Variants in PRDM10 observed in about 807,000 individuals in gnomAD.
The protein encoded by PRDM10 is PR domain zinc finger protein 10.
PRDM10 carries 65 observed loss-of-function variants against 133.1 expected under a neutral mutation model. That is an observed-to-expected ratio of 0.49 (90% CI 0.40 to 0.60). The LOEUF is 0.60. Among genes scored for constraint, PRDM10 ranks in the 20% least tolerant of loss-of-function variants. PRDM10 has a pLI of 0.00. For synonymous variants in PRDM10, 582 were observed against 580.4 expected (o/e 1.00, Z -0.04); for missense variants, 1,137 against 1,507.1 (o/e 0.75, Z 4.07).
intron 4 of PRDM10, among the ~76,000 whole-genome samples, chr11:129,952,807 G>A (rs1402235878): frequency 6.6e-6 from 1 of 151,510 alleles, no homozygotes; most frequent in Non-Finnish European, 1.5e-5. Context: ...GATGTGATTC[G>A]CCGTGCCTGG....
chr11:129,987,686 G>A (rs1168473660), intron 1 of PRDM10, among the ~76,000 whole-genome samples: 2 of 152,196 alleles, frequency 1.3e-5, no homozygotes, highest in African/African-American at 4.8e-5. Context: ...TCCATATAAT[G>A]GAATATTATT....
chr11:129,988,676 C>T (rs1438708082), intron 1 of PRDM10, among the ~76,000 whole-genome samples: 2 of 151,758 alleles, frequency 1.3e-5, no homozygotes, highest in Non-Finnish European at 2.9e-5. Context: ...GTTGCCTGGG[C>T]TGGAGTGCAG....
intron 1 of PRDM10, among the ~76,000 whole-genome samples, chr11:129,966,150 G>A (rs1162556844): frequency 2.6e-5 from 4 of 152,042 alleles, no homozygotes; most frequent in African/African-American, 4.8e-5. Context: ...AGGCTGAGGC[G>A]GGAGAATCGC....
chr11:129,981,850 C>T (rs541626182), intron 1 of PRDM10, among the ~76,000 whole-genome samples: 46 of 150,370 alleles, frequency 3.1e-4, no homozygotes, highest in African/African-American at 9.5e-4. Context: ...GAGCCGAGAT[C>T]GCATTACTGC....
intron 6 of PRDM10, among the ~76,000 whole-genome samples, chr11:129,943,582 AG>A (rs1337867625): frequency 6.6e-6 from 1 of 152,222 alleles, no homozygotes; most frequent in Non-Finnish European, 1.5e-5. Flanking sequence ...AAGATGGGCC[AG>A]GAGAGGTGGC....
intron 15 of PRDM10, among the ~76,000 whole-genome samples, 187 bp downstream of exon 15, chr11:129,916,940 G>A (rs1950376401): frequency 6.6e-6 from 1 of 152,050 alleles, no homozygotes; most frequent in African/African-American, 2.4e-5. Flanking sequence ...TATTTCTTAA[G>A]AAAAAAATTT....
At chr11:129,948,359 CAT>C (rs1003058189) in intron 4 of PRDM10, among the ~76,000 whole-genome samples, 1 of 152,158 alleles carries the variant, frequency 6.6e-6, no homozygotes, top group Non-Finnish European at 1.5e-5. Flanking sequence ...TTTATCTTCT[CAT>C]ATGTTGTTTT....
At chr11:129,956,489 G>A (rs1209162333) in intron 3 of PRDM10, among the ~76,000 whole-genome samples, 3 of 152,122 alleles carry the variant, frequency 2.0e-5, no homozygotes, top group African/African-American at 4.8e-5. Context: ...ACTTGAACCC[G>A]GGAGGTAGAG....
At chr11:129,932,068 C>A in intron 10 of PRDM10, 34 bp downstream of exon 10, 1 of 1,599,874 alleles carries the variant, frequency 6.3e-7, no homozygotes, top group Non-Finnish European at 8.5e-7. Context: ...TCCACACAAG[C>A]ACCTAAGGAG....
intron 8 of PRDM10, 51 bp downstream of exon 8, chr11:129,937,547 T>G (rs1379360181): frequency 1.3e-6 from 2 of 1,530,920 alleles, no homozygotes; most frequent in Non-Finnish European, 1.8e-6. Context: ...AGATGTGATA[T>G]ATACAATTTA....
rs1951467229 is a variant in PRDM10 at position 129,947,777 on chromosome 11, T to A, written c.295-407A>T. On this transcript the variant is annotated intron_variant, in intron 4 of 20. Coordinates refer to ENST00000360871, the MANE Select transcript of PRDM10 (RefSeq NM_199437.2). This position sits in a 1 kb window ranked among gnomAD's most constrained non-coding sequence, Gnocchi z 4.6. ...GCCGTTTCACACTGCTTGAGAGGCCTGCCCTGTCTCCCAAGACTTCAAATA... is the reference window on the plus strand; with the variant it reads ...GCCGTTTCACACTGCTTGAGAGGCCAGCCCTGTCTCCCAAGACTTCAAATA... Among the ~76,000 whole-genome samples, 1 of 152,142 alleles carries A rather than the reference T, an allele frequency of 6.6e-6. No homozygotes were observed. The highest frequency in any genetic ancestry group is 2.4e-5 in the African/African-American group (1 of 41,410).
chr11:129,945,115 C>A lies in PRDM10; in HGVS notation c.521-103G>T. 1 of 1,452,998 alleles carries A rather than the reference C, an allele frequency of 6.9e-7. No homozygotes were observed. 90.0% of individuals were successfully genotyped at this position (1,452,998 alleles called of 1,614,324 possible). ...AAAAATCCCCGTCTGCATTTTCAAGCCAAAATTCAATGAACTCCTAATGGC... is the reference window on the plus strand; with the variant it reads ...AAAAATCCCCGTCTGCATTTTCAAGACAAAATTCAATGAACTCCTAATGGC... On this transcript the variant is annotated intron_variant, in intron 5 of 20. Transcript: ENST00000360871. This position sits in a 1 kb window ranked among gnomAD's most constrained non-coding sequence, Gnocchi z 4.2.
chr11:129,909,135 A>G (rs535720544), intron 19 of PRDM10, among the ~76,000 whole-genome samples: 7 of 152,078 alleles, frequency 4.6e-5, no homozygotes, highest in African/African-American at 1.4e-4. Flanking sequence ...CCAGCCCTCA[A>G]TGTGACGTCC....
In PRDM10 at chr11:129,947,426, G is replaced by A. The variant is rs747335966; in HGVS notation, c.295-56C>T. 1.2e-5 allele frequency: 20 copies of A among 1,603,750 alleles called. No homozygotes were observed. The highest frequency in any genetic ancestry group is 5.4e-5 in the African/African-American group (4 of 74,722). ...AGACATGGACACCTGCTTTTGGTTC[G>A]CTGGTGCCTGCTGGCACAAACAGGG... On this transcript the variant is annotated intron_variant, in intron 4 of 20. Transcript: ENST00000360871. The surrounding 1 kb of genome is among the most constrained non-coding windows in gnomAD (Gnocchi z 4.6).
chr11:129,970,103 C>G (rs1951986103), intron 1 of PRDM10, among the ~76,000 whole-genome samples: 1 of 152,168 alleles, frequency 6.6e-6, no homozygotes, highest in Non-Finnish European at 1.5e-5. Flanking sequence ...GTTCAGATGA[C>G]AAGGACCCTG....
intron 11 of PRDM10, 147 bp from the exon 12 acceptor site, chr11:129,925,376 ATTT>A: frequency 2.7e-6 from 2 of 752,024 alleles, no homozygotes; most frequent in Non-Finnish European, 4.1e-6. Flanking sequence ...TTGAAAGGAG[ATTT>A]TTCTGGTGAA....
At position 129,945,046 on chromosome 11, in the gene PRDM10, A is replaced by G. The variant is rs767148056; in HGVS notation, c.521-34T>C. On this transcript the variant is annotated intron_variant, in intron 5 of 20. Coordinates refer to ENST00000360871, the MANE Select transcript of PRDM10 (RefSeq NM_199437.2). The surrounding 1 kb of genome is among the most constrained non-coding windows in gnomAD (Gnocchi z 4.2). ...GAGAGACAGTCTTGAAGAAAAGTCC[A>G]ATTCCTCAGTGTGACTTGATGTGAG... 1.2e-5 allele frequency: 19 copies of G among 1,604,934 alleles called. No individual in the cohort carries two copies. The highest frequency in any genetic ancestry group is 1.4e-5 in the Non-Finnish European group (16 of 1,177,804).
intron 1 of PRDM10, among the ~76,000 whole-genome samples, chr11:129,976,503 A>G (rs1263392411): frequency 2.6e-5 from 4 of 152,212 alleles, no homozygotes; most frequent in African/African-American, 9.6e-5. Context: ...CGACAACTCA[A>G]TGAAGTTGTT....
chr11:129,902,507 C>T lies in PRDM10; in HGVS notation c.3277G>A (p.Val1093Met), dbSNP rs201374213. Residue 1093 changes from valine to methionine, a missense_variant, in exon 21 of 21, where the codon GTG (valine) becomes ATG (methionine). By Grantham distance (21) the Val-to-Met change is conservative. Coordinates refer to ENST00000360871, the MANE Select transcript of PRDM10 (RefSeq NM_199437.2). ...QVKAVTSGHY[V>M]LSESQSELEE... is the part of the protein sequence containing the mutation. Reference sequence around the variant, plus strand: ...AATTCTGATTGACTTTCTGATAACACATAATGACCCTAGAGGAAGAAGAAA... The same window carrying T: ...AATTCTGATTGACTTTCTGATAACATATAATGACCCTAGAGGAAGAAGAAA... 1.9e-6 allele frequency: 3 copies of T among 1,613,750 alleles called. No homozygotes were observed. Among genetic ancestry groups the T allele is most frequent in the South Asian group, 2.2e-5 (2 of 91,076 alleles).
Sources: gnomAD v4.1 joint callset for allele counts (sites outside exome capture counted in the v4.1 genomes callset) on GRCh38, gnomAD v4.1.1 for gene constraint, Gnocchi (gnomAD v3.1) non-coding constraint, MANE v1.5 for transcripts, NCBI Gene and HGNC (gene_info 2026-07-23, HGNC 2026-07-21) for gene names.